SNX30: variants seen among roughly 807,000 people sequenced by gnomAD.
SNX30 encodes the protein sorting nexin-30.
Under a neutral mutation model 46.4 loss-of-function variants are expected in SNX30, and 24 were observed. That is an observed-to-expected ratio of 0.52 (90% confidence interval 0.37 to 0.73). SNX30 has a LOEUF of 0.73. SNX30 is among the 30% of genes least tolerant of loss of function. The pLI is 0.00. For synonymous variants in SNX30, 189 were observed against 211.5 expected (o/e 0.89, Z 0.92); for missense variants, 533 against 555.7 (o/e 0.96, Z 0.41).
chr9:112,867,720 C>T (rs933189781), intron 8 of SNX30, among the ~76,000 whole-genome samples: 4 of 150,126 alleles, frequency 2.7e-5, no homozygotes, highest in Non-Finnish European at 5.9e-5. Flanking sequence ...CTCTCCCACC[C>T]CCTCAGAACT....
downstream of SNX30, among the ~76,000 whole-genome samples, chr9:112,883,920 C>T (rs1482747507): frequency 6.6e-6 from 1 of 152,192 alleles, no homozygotes; most frequent in East Asian, 1.9e-4. Flanking sequence ...TGGTCTCAAA[C>T]TCCTGACCTT....
At chr9:112,751,182 GGGA>G in intron 1 of SNX30, 25 bp downstream of exon 1, 1 of 1,447,940 alleles carries the variant, frequency 6.9e-7, no homozygotes, top group Non-Finnish European at 9.1e-7. Context: ...GCCGGGGAGT[GGGA>G]GGCTTATTTC....
chr9:112,778,270 CTTT>C (rs1001151120), intron 1 of SNX30, among the ~76,000 whole-genome samples: 8 of 123,334 alleles, frequency 6.5e-5, no homozygotes, highest in Admixed American at 9.3e-5. Context: ...GGCCATATTC[CTTT>C]TTTTTTTTTT....
intron 2 of SNX30, among the ~76,000 whole-genome samples, chr9:112,813,057 G>T (rs560746588): frequency 1.3e-5 from 2 of 152,162 alleles, no homozygotes; most frequent in Non-Finnish European, 2.9e-5. Flanking sequence ...TAAGGCAGGA[G>T]AATCACCTGA....
chr9:112,833,928 G>A (rs910926588), intron 4 of SNX30, among the ~76,000 whole-genome samples: 2 of 152,204 alleles, frequency 1.3e-5, no homozygotes, highest in Non-Finnish European at 2.9e-5. Flanking sequence ...AGAGGAACTA[G>A]AGGAGATTGC....
intron 1 of SNX30, among the ~76,000 whole-genome samples, chr9:112,795,168 G>A (rs1296732813): frequency 1.3e-5 from 2 of 152,172 alleles, no homozygotes; most frequent in African/African-American, 4.8e-5. Flanking sequence ...AAGCACGTGT[G>A]TGTGTGTCTG....
At chr9:112,784,507 C>T (rs1839890606) in intron 1 of SNX30, among the ~76,000 whole-genome samples, 1 of 152,116 alleles carries the variant, frequency 6.6e-6, no homozygotes, top group South Asian at 2.1e-4. Context: ...ATGACTGGTC[C>T]CCTGCCCGTG....
In SNX30 at chr9:112,838,573, C is replaced by G. The variant is rs1840804387; in HGVS notation, c.890C>G (p.Pro297Arg). 6.2e-7 allele frequency: 1 copy of G among 1,614,108 alleles called. No homozygotes were observed. Among genetic ancestry groups the G allele is most frequent in the Middle Eastern group, 1.7e-4 (1 of 6,060 alleles). ...GCCTTGGAGGGTGAGCTGGCTGAAC[C>G]CCTGGAGGGTGTGTCAGCTTGCATT... ...WSALEGELAE[P>R]LEGVSACIGN... The change falls in exon 6 of 9, where the codon CCC becomes CGC. Residue 297 changes from proline (P) to arginine (R), a missense_variant. Pro to Arg is a moderately radical substitution (Grantham distance 103). Coordinates refer to ENST00000374232, the MANE Select transcript of SNX30 (RefSeq NM_001012994.2).
downstream of SNX30, chr9:112,879,687 G>T: frequency 7.0e-7 from 1 of 1,428,620 alleles, no homozygotes; most frequent in Non-Finnish European, 9.8e-7. Context: ...TAGGTCACCA[G>T]TTCCCTGGTC....
chr9:112,824,868 T>C (rs1840558065), intron 3 of SNX30, among the ~76,000 whole-genome samples: 3 of 152,210 alleles, frequency 2.0e-5, no homozygotes, highest in Admixed American at 2.0e-4. Context: ...CAGTGACTTT[T>C]AGTACATTCA....
rs919311532 is a variant in SNX30 at position 112,840,113 on chromosome 9, G to A, written c.1014+1416G>A. Among the ~76,000 whole-genome samples the A allele has an allele frequency of 2.3e-4, 35 of 152,308 alleles. 1 individual carries two copies. Among genetic ancestry groups the A allele is most frequent in the African/African-American group, 8.4e-4 (35 of 41,560 alleles). On this transcript the variant is annotated intron_variant, in intron 6 of 8. Coordinates refer to ENST00000374232, the MANE Select transcript of SNX30 (RefSeq NM_001012994.2). Reference sequence around the variant, plus strand: ...TCTGGTGAATCCCCTTTTCATGTGTGCGTTATAAAGTTGCTAATAAAACAC... The same window carrying A: ...TCTGGTGAATCCCCTTTTCATGTGTACGTTATAAAGTTGCTAATAAAACAC...
chr9:112,848,144 G>A (rs1840967960), intron 6 of SNX30, among the ~76,000 whole-genome samples: 1 of 151,976 alleles, frequency 6.6e-6, no homozygotes, highest in South Asian at 2.1e-4. Context: ...TCATATCAAT[G>A]GGATGCAGAT....
At chr9:112,777,885 A>G (rs1181134102) in intron 1 of SNX30, among the ~76,000 whole-genome samples, 1 of 152,104 alleles carries the variant, frequency 6.6e-6, no homozygotes, top group African/African-American at 2.4e-5. Context: ...TGTTTTGGTT[A>G]TGTACTATTG....
At position 112,774,905 on chromosome 9, in the gene SNX30, C is replaced by T. The variant is rs1251449534; in HGVS notation, c.156+23748C>T. ...GTTGCCCAGGCGTGGAGTGCAGTGG[C>T]GCCGTCTCGACTCACTGCAACCTCT... On this transcript the variant is annotated intron_variant, in intron 1 of 8. Transcript: ENST00000374232. Among the ~76,000 whole-genome samples, 17 of 139,758 alleles carry T rather than the reference C, an allele frequency of 1.2e-4. 1 individual carries two copies. The South Asian group carries it at 2.0e-3, about 17-fold the overall frequency. The allele number at this position is 139,758 out of a possible 152,430, so 91.7% of individuals were successfully genotyped here.
chr9:112,806,010 A>G (rs117233257), intron 2 of SNX30, among the ~76,000 whole-genome samples: 29 of 152,312 alleles, frequency 1.9e-4, no homozygotes, highest in Non-Finnish European at 2.6e-4. Flanking sequence ...TATTTTTTGA[A>G]TATTTAAAAT....
rs78052377 is a variant in SNX30, at chr9:112,837,276, C to G, written c.814+867C>G. Among the ~76,000 whole-genome samples the G allele has an allele frequency of 1.9e-3, 294 of 151,626 alleles. 1 individual carries two copies. The highest frequency in any genetic ancestry group is 7.0e-3 in the African/African-American group (288 of 41,316). ...ACCCACTGATGATACCATGTGGGGCCCATAGGTTTTGGAGATAGCTGTGGA... is the reference window on the plus strand; with the variant it reads ...ACCCACTGATGATACCATGTGGGGCGCATAGGTTTTGGAGATAGCTGTGGA... On this transcript the variant is annotated intron_variant, in intron 5 of 8. Transcript: ENST00000374232.
chr9:112,806,386 A>C (rs1170467558), intron 2 of SNX30, among the ~76,000 whole-genome samples: 1 of 151,306 alleles, frequency 6.6e-6, no homozygotes, highest in Non-Finnish European at 1.5e-5. Context: ...TTGGTACCCC[A>C]CCCCCACCAA....
chr9:112,811,346 G>A (rs899855009), intron 2 of SNX30, among the ~76,000 whole-genome samples: 5 of 152,186 alleles, frequency 3.3e-5, no homozygotes, highest in Non-Finnish European at 5.9e-5. Context: ...TAAAGACCAC[G>A]TCTCTCTGGA....
chr9:112,832,455 AGAGAGT>A (rs754702809), intron 4 of SNX30, among the ~76,000 whole-genome samples: 3,150 of 121,430 alleles, frequency 0.026, 47 homozygotes, highest in African/African-American at 0.045. Flanking sequence ...AGAGAGAGAG[AGAGAGT>A]GTGTGTGTGT....
Sources: allele counts gnomAD v4.1 joint callset (sites outside exome capture counted in the v4.1 genomes callset), GRCh38; gene constraint gnomAD v4.1.1; transcripts MANE v1.5; gene names NCBI Gene and HGNC (gene_info 2026-07-23, HGNC 2026-07-21).